Variants in PDCD1LG2 observed in about 807,000 individuals in gnomAD.
PDCD1LG2 encodes the protein programmed cell death 1 ligand 2.
Under a neutral mutation model 28.2 loss-of-function variants are expected in PDCD1LG2, and 32 were observed. That is an observed-to-expected ratio of 1.13 (90% CI 0.86 to 1.52). The LOEUF (loss-of-function observed/expected upper bound fraction) is 1.52. Among genes scored for constraint, PDCD1LG2 ranks in the 40% most tolerant of loss-of-function variants. The pLI, the probability that PDCD1LG2 is intolerant of heterozygous loss-of-function variation, is 0.00. For synonymous variants in PDCD1LG2, 116 were observed against 120.2 expected (o/e 0.97, Z 0.23); for missense variants, 385 against 323.8 (o/e 1.19, Z -1.45).
chr9:5,537,009 G>A (rs1474153515), intron 3 of PDCD1LG2, among the ~76,000 whole-genome samples: 1 of 152,138 alleles, frequency 6.6e-6, no homozygotes, highest in Admixed American at 6.5e-5. Flanking sequence ...AGAATGATTG[G>A]GAACATTGAC....
chr9:5,530,771 T>A (rs1336348978), intron 2 of PDCD1LG2, among the ~76,000 whole-genome samples: 1 of 152,240 alleles, frequency 6.6e-6, no homozygotes, highest in African/African-American at 2.4e-5. Flanking sequence ...TTAAGAAATA[T>A]CAACTATTAC....
In PDCD1LG2 at chr9:5,570,641, TG is replaced by T. The variant is rs1292696329; in HGVS notation, c.*684del. ...CCTGTAATGGCACCATGTTTAATGG[TG>T]GTTTTTTTTTTGAACTACATCTTTC... is the stretch of plus-strand genomic sequence containing the variant. On this transcript the variant is annotated 3_prime_UTR_variant, in exon 7 of 7. Coordinates refer to ENST00000397747, the MANE Select transcript of PDCD1LG2 (RefSeq NM_025239.4). The T allele has an allele frequency of 1.3e-5, 3 of 232,268 alleles. No homozygotes were observed. In the East Asian group the frequency reaches 1.8e-4, roughly 14 times the overall value. The allele number at this position is 232,268 out of a possible 1,614,324, so 14.4% of individuals were successfully genotyped here. A position where few individuals can be genotyped will look rare whatever the true frequency, so the allele number is the denominator to read the frequency against.
At chr9:5,536,824 A>C (rs1387384564) in intron 3 of PDCD1LG2, among the ~76,000 whole-genome samples, 1 of 152,228 alleles carries the variant, frequency 6.6e-6, no homozygotes, top group African/African-American at 2.4e-5. Context: ...GTGAGTTCCT[A>C]GATCCTCATC....
At chr9:5,521,759 C>A (rs1049685164) in intron 1 of PDCD1LG2, among the ~76,000 whole-genome samples, 1 of 152,212 alleles carries the variant, frequency 6.6e-6, no homozygotes, top group Non-Finnish European at 1.5e-5. Flanking sequence ...CAGATTTCCC[C>A]TGAAGAAATG....
chr9:5,530,333 C>T (rs1208102630), intron 2 of PDCD1LG2, among the ~76,000 whole-genome samples: 1 of 152,128 alleles, frequency 6.6e-6, no homozygotes, highest in Non-Finnish European at 1.5e-5. Context: ...GTGTTGTCAG[C>T]TTAATTTTGT....
chr9:5,515,488 G>A (rs554373376), intron 1 of PDCD1LG2, among the ~76,000 whole-genome samples: 45 of 152,320 alleles, frequency 3.0e-4, no homozygotes, highest in African/African-American at 1.0e-3. Context: ...GCGGAGAGGA[G>A]CTTCGTTGAG....
At chr9:5,560,554 G>C (rs1220685593) in intron 5 of PDCD1LG2, among the ~76,000 whole-genome samples, 1 of 152,202 alleles carries the variant, frequency 6.6e-6, no homozygotes, top group Non-Finnish European at 1.5e-5. Context: ...ACCCCTATGG[G>C]TTGATGAGGT....
At chr9:5,511,957 C>T (rs972352539) in intron 1 of PDCD1LG2, among the ~76,000 whole-genome samples, 3 of 152,026 alleles carry the variant, frequency 2.0e-5, no homozygotes, top group Non-Finnish European at 2.9e-5. Flanking sequence ...GGGTGCTTGC[C>T]GAATTGTTGA....
At chr9:5,534,721 C>A (rs1820546643) in intron 2 of PDCD1LG2, 24 bp from the exon 3 acceptor site, 1 of 1,566,142 alleles carries the variant, frequency 6.4e-7, no homozygotes, top group Non-Finnish European at 8.7e-7. Context: ...CAGACAATGA[C>A]AAAATATCTT....
chr9:5,542,457 C>A (rs1820705234), intron 3 of PDCD1LG2, among the ~76,000 whole-genome samples: 1 of 152,106 alleles, frequency 6.6e-6, no homozygotes, highest in South Asian at 2.1e-4. Context: ...GACTAATATC[C>A]AGAATCTACA....
chr9:5,564,372 CA>C (rs1816623488), intron 6 of PDCD1LG2, among the ~76,000 whole-genome samples: 2 of 152,288 alleles, frequency 1.3e-5, no homozygotes, highest in East Asian at 3.9e-4. Flanking sequence ...GATGCAATAG[CA>C]ATGAATATCT....
intron 2 of PDCD1LG2, among the ~76,000 whole-genome samples, chr9:5,525,683 A>AG (rs1820359956): frequency 6.6e-6 from 1 of 152,122 alleles, no homozygotes; most frequent in Non-Finnish European, 1.5e-5. Context: ...AAGATAACAC[A>AG]TAGCACAATG....
Position 5,549,324 on chromosome 9 carries a change from C to T in PDCD1LG2, c.362-11C>T, listed in dbSNP as rs1440541407. On this transcript the variant is annotated splice_polypyrimidine_tract_variant and intron_variant, in intron 3 of 6. Coordinates refer to ENST00000397747, the MANE Select transcript of PDCD1LG2 (RefSeq NM_025239.4). ...ATAAAGTCTTATTTCTTTTTCTTCTCTATTGTCCAGCTTCCTACAGGAAAA... is the reference window on the plus strand; with the variant it reads ...ATAAAGTCTTATTTCTTTTTCTTCTTTATTGTCCAGCTTCCTACAGGAAAA... The T allele has an allele frequency of 2.5e-6, 4 of 1,603,412 alleles. No individual in the cohort carries two copies. The highest frequency in any genetic ancestry group is 1.3e-5 in the African/African-American group (1 of 74,600).
chr9:5,549,004 C>T (rs1270222777), intron 3 of PDCD1LG2, among the ~76,000 whole-genome samples: 2 of 152,144 alleles, frequency 1.3e-5, no homozygotes, highest in South Asian at 4.1e-4. Context: ...CTGTTGAGGT[C>T]TGGAATCAGA....
chr9:5,513,935 C>T (rs770034418), intron 1 of PDCD1LG2, among the ~76,000 whole-genome samples: 7 of 152,206 alleles, frequency 4.6e-5, no homozygotes, highest in Non-Finnish European at 1.0e-4. Context: ...GTCTTAGACA[C>T]TTGGCTTCAA....
At position 5,563,633 on chromosome 9, in the gene PDCD1LG2, G is replaced by A. The variant is rs1034853895; in HGVS notation, c.816+422G>A. Among the ~76,000 whole-genome samples, 5 of 152,314 alleles carry A rather than the reference G, an allele frequency of 3.3e-5. No homozygotes were observed. The Middle Eastern group carries it at 0.014, about 414-fold the overall frequency. ...TCATGAGGTTGACAGGTTTGGAGCT[G>A]GAATCTGTGGAGGAGGAAGGATATG... On this transcript the variant is annotated intron_variant, in intron 6 of 6. Transcript: ENST00000397747.
rs1193805238 is a variant in PDCD1LG2, at chr9:5,525,328, G to A, written c.55+2727G>A. 2.8e-5 allele frequency among the ~76,000 whole-genome samples: 4 copies of A among 144,576 alleles called. No homozygotes were observed. The South Asian group carries it at 8.7e-4, about 31-fold the overall frequency. 94.8% of individuals were successfully genotyped at this position (144,576 alleles called of 152,430 possible). On this transcript the variant is annotated intron_variant, in intron 2 of 6. Coordinates refer to ENST00000397747, the MANE Select transcript of PDCD1LG2 (RefSeq NM_025239.4). ...TCACTGTATTCCAGCCTGGGTGACA[G>A]AGTGAGATTCCATTTAAAAAAAAAA...
chr9:5,555,746 C>T (rs1402026113), intron 4 of PDCD1LG2, among the ~76,000 whole-genome samples: 3 of 152,146 alleles, frequency 2.0e-5, no homozygotes, highest in Non-Finnish European at 2.9e-5. Flanking sequence ...AGAAAGTAAA[C>T]GAGTGGTGGA....
At chr9:5,514,536 A>G (rs1820118870) in intron 1 of PDCD1LG2, among the ~76,000 whole-genome samples, 1 of 152,214 alleles carries the variant, frequency 6.6e-6, no homozygotes, top group East Asian at 1.9e-4. Context: ...CTGGAAAGAT[A>G]CAACTTCCTA....
Sources: gnomAD v4.1 joint callset for allele counts (sites outside exome capture counted in the v4.1 genomes callset) on GRCh38, gnomAD v4.1.1 for gene constraint, MANE v1.5 for transcripts, NCBI Gene and HGNC (gene_info 2026-07-23, HGNC 2026-07-21) for gene names.